Variants in NPHP4 observed in about 807,000 individuals in gnomAD.
NPHP4 encodes the protein nephrocystin 4.
NPHP4 carries 151 observed loss-of-function variants against 155.8 expected under a neutral mutation model. The ratio of observed to expected loss-of-function variants is 0.97; its 90% CI spans 0.85 to 1.11. The LOEUF is 1.11. NPHP4 is among the 50% of genes least tolerant of loss of function. The pLI, the probability that NPHP4 is intolerant of heterozygous loss-of-function variation, is 0.00. For missense variants in NPHP4, 1,956 were observed against 1,925.7 expected, an observed-to-expected ratio of 1.02 and a Z score of -0.29; for synonymous variants, 845 against 816.8, an observed-to-expected ratio of 1.03 and a Z score of -0.59.
chr1:5,967,752 AT>A (rs940153520), intron 4 of NPHP4, among the ~76,000 whole-genome samples: 38 of 152,042 alleles, frequency 2.5e-4, no homozygotes, highest in African/African-American at 8.4e-4. Flanking sequence ...GTCTGGAGAC[AT>A]TTTTTTTCGT....
intron 11 of NPHP4, among the ~76,000 whole-genome samples, chr1:5,909,531 C>T (rs1416630984): frequency 2.6e-5 from 4 of 152,192 alleles, no homozygotes; most frequent in African/African-American, 9.7e-5. Flanking sequence ...CCTCACTAGT[C>T]ATCTTTGCAT....
rs1038768700 is a variant in NPHP4, at chr1:5,864,329, C to A, written c.3996+9G>T. The A allele has an allele frequency of 1.9e-6, 3 of 1,599,054 alleles. No homozygotes were observed. The highest frequency in any genetic ancestry group is 2.6e-6 in the Non-Finnish European group (3 of 1,171,248). ...ATCCCCTCAGCCTGTGCCTGCCACA[C>A]ATACAGACCTTGGAGATGAGCGGCT... On this transcript the variant is annotated intron_variant, in intron 28 of 29. Coordinates refer to ENST00000378156, the MANE Select transcript of NPHP4 (RefSeq NM_015102.5).
chr1:5,969,239 G>T lies in NPHP4; in HGVS notation c.300C>A (p.Ser100=), dbSNP rs1177154790. 6.4e-7 allele frequency: 1 copy of T among 1,567,438 alleles called. No homozygotes were observed. The highest frequency in any genetic ancestry group is 1.8e-5 in the Admixed American group (1 of 55,858). The change falls in exon 4 of 30, where the codon TCC becomes TCA. Residue 100 remains serine (S), a synonymous_variant. Transcript: ENST00000378156. The stretch of plus-strand genomic sequence containing the variant: ...CAGCCACGATATGAGGGTGGTTTAG[G>T]GATGTGTGAAAATACAAGGGCTGCA... The part of the protein sequence containing the change: ...VFNEPLYFHT[S]LNHPHIVAVV...
intron 22 of NPHP4, 50 bp from the exon 23 acceptor site, chr1:5,873,385 G>A (rs368194835): frequency 2.0e-5 from 29 of 1,457,718 alleles, no homozygotes; most frequent in African/African-American, 1.9e-4. Context: ...ACCATTAGGC[G>A]ACCAGCACCT....
chr1:5,989,135 G>A (rs548949322), intron 1 of NPHP4, among the ~76,000 whole-genome samples: 15 of 152,140 alleles, frequency 9.9e-5, no homozygotes, highest in South Asian at 2.1e-4. Context: ...AGTCTTCCCC[G>A]GGAGACTTGA....
intron 10 of NPHP4, among the ~76,000 whole-genome samples, chr1:5,929,299 T>C (rs1646161705): frequency 6.6e-6 from 1 of 151,958 alleles, no homozygotes; most frequent in African/African-American, 2.4e-5. Flanking sequence ...TTTCTTGACT[T>C]ACAGCACTGA....
At chr1:5,988,131 G>A (rs1655748486) in intron 1 of NPHP4, among the ~76,000 whole-genome samples, 1 of 152,232 alleles carries the variant, frequency 6.6e-6, no homozygotes, top group South Asian at 2.1e-4. Flanking sequence ...TCCACCCAAA[G>A]TGCAAGACAG....
At chr1:5,970,619 C>T (rs2102272229) in intron 3 of NPHP4, among the ~76,000 whole-genome samples, 1 of 152,212 alleles carries the variant, frequency 6.6e-6, no homozygotes, top group South Asian at 2.1e-4. Flanking sequence ...GTGCTGAGCC[C>T]ATACCCCAAC....
intron 11 of NPHP4, among the ~76,000 whole-genome samples, chr1:5,916,540 T>G (rs1388096367): frequency 1.3e-5 from 2 of 152,176 alleles, no homozygotes. Context: ...CCATGTAGAT[T>G]TGCTGGTCCC....
At chr1:5,899,341 C>G (rs576858593) in intron 16 of NPHP4, among the ~76,000 whole-genome samples, 144 of 151,310 alleles carry the variant, frequency 9.5e-4, no homozygotes, top group Non-Finnish European at 1.8e-3. Context: ...AACAGAAACG[C>G]TACTGCTATA....
intron 7 of NPHP4, among the ~76,000 whole-genome samples, chr1:5,949,343 T>TACACACACACACACACACACACACAC (rs140032819): frequency 0.052 from 7,379 of 140,554 alleles, 330 homozygotes; most frequent in Non-Finnish European, 0.071. Context: ...TTCACATACA[T>TACACACACACACACACACACACACAC]ACACACACAC....
Position 5,921,805 on chromosome 1 carries a change from G to A in NPHP4, c.1441+5844C>T, listed in dbSNP as rs891222869. On this transcript the variant is annotated intron_variant, in intron 11 of 29. Coordinates refer to ENST00000378156, the MANE Select transcript of NPHP4 (RefSeq NM_015102.5). Reference sequence around the variant, plus strand: ...TGAAGTTTTGGTTTTTAGGCCATCTGGAATTTATTATTGTACATGACATGA... The same window carrying A: ...TGAAGTTTTGGTTTTTAGGCCATCTAGAATTTATTATTGTACATGACATGA... Among the ~76,000 whole-genome samples, 129 of 152,300 alleles carry A rather than the reference G, an allele frequency of 8.5e-4. 1 individual carries two copies. Among genetic ancestry groups the A allele is most frequent in the African/African-American group, 2.8e-3 (115 of 41,560 alleles).
At chr1:5,967,443 C>T in intron 4 of NPHP4, 80 bp from the exon 5 acceptor site, 1 of 1,047,518 alleles carries the variant, frequency 9.5e-7, no homozygotes, top group Non-Finnish European at 1.5e-6. Flanking sequence ...CCTCAGCCAC[C>T]ACCACGCCCA....
At chr1:5,916,696 C>A in intron 11 of NPHP4, among the ~76,000 whole-genome samples, 1 of 152,198 alleles carries the variant, frequency 6.6e-6, no homozygotes, top group East Asian at 1.9e-4. Context: ...AGCATGGTTC[C>A]CCACAGCTCT....
intron 9 of NPHP4, among the ~76,000 whole-genome samples, chr1:5,941,374 C>T (rs979177414): frequency 4.9e-5 from 7 of 143,454 alleles, no homozygotes; most frequent in Admixed American, 3.5e-4. Context: ...GACTGGGGAA[C>T]GAAGAAAGGC....
At chr1:5,943,392 G>C (rs966506132) in intron 9 of NPHP4, among the ~76,000 whole-genome samples, 1 of 152,156 alleles carries the variant, frequency 6.6e-6, no homozygotes. Flanking sequence ...GTTCTCATCA[G>C]CCCAGGTAGC....
chr1:5,875,810 T>G (rs1013541934), intron 20 of NPHP4: 11 of 152,790 alleles, frequency 7.2e-5, no homozygotes, highest in African/African-American at 2.4e-4. Context: ...AAGAAGCCGC[T>G]GCGGCCGGGC....
chr1:5,933,289 T>A lies in NPHP4; in HGVS notation c.1160A>T (p.His387Leu). ...GTTCCAAACAGCCCAGCGGACCATG[T>A]GCATGCATGCCAGGTTGGACAGAGA... Reference protein sequence around the residue: ...VTSLSNLACMHMVRWAVWNPL... With the variant: ...VTSLSNLACMLMVRWAVWNPL... The change falls in exon 10 of 30, where the codon CAC (histidine) becomes CTC (leucine). Residue 387 changes from histidine (H) to leucine (L), a missense_variant. Coordinates refer to ENST00000378156, the MANE Select transcript of NPHP4 (RefSeq NM_015102.5). 7.4e-6 allele frequency: 12 copies of A among 1,613,568 alleles called. No individual in the cohort carries two copies. Among genetic ancestry groups the A allele is most frequent in the Non-Finnish European group, 1.0e-5 (12 of 1,179,848 alleles).
Position 5,864,990 on chromosome 1 carries a change from C to T in NPHP4, c.3816+112G>A, listed in dbSNP as rs1005522879. On this transcript the variant is annotated intron_variant, in intron 27 of 29. Transcript: ENST00000378156. ...GGTAACAGCGTCTGCGCGCTGGAGG[C>T]GCTGGAAAAGCTGCTGTCAGGGCCA... 31 of 1,059,850 alleles carry T rather than the reference C, an allele frequency of 2.9e-5. 1 individual carries two copies. The highest frequency in any genetic ancestry group is 8.3e-5 in the South Asian group (6 of 72,660). The allele number at this position is 1,059,850 out of a possible 1,614,324, so 65.7% of individuals were successfully genotyped here.
Sources: allele counts gnomAD v4.1 joint callset (sites outside exome capture counted in the v4.1 genomes callset), GRCh38; gene constraint gnomAD v4.1.1; transcripts MANE v1.5; gene names NCBI Gene and HGNC (gene_info 2026-07-23, HGNC 2026-07-21).